RAP1B: variants seen among roughly 807,000 people sequenced by gnomAD.
RAP1B encodes the protein RAP1B, member of RAS oncogene family.
A neutral mutation model predicts 27.5 loss-of-function variants in RAP1B; 1 was observed. The observed-to-expected ratio is 0.04, with a 90% CI of 0.01 to 0.17. The LOEUF (loss-of-function observed/expected upper bound fraction) is 0.17. Ranked by LOEUF, RAP1B falls within the 10% of genes least tolerant of loss-of-function variation. The pLI, the probability that RAP1B is intolerant of heterozygous loss-of-function variation, is 1.00. For synonymous variants in RAP1B, 75 were observed against 73.1 expected, an observed-to-expected ratio of 1.03 and a Z score of -0.13; for missense variants, 84 against 214.8, an observed-to-expected ratio of 0.39 and a Z score of 3.81.
At chr12:68,651,691 A>G in intron 3 of RAP1B, 1 of 285,690 alleles carries the variant, frequency 3.5e-6, no homozygotes, top group South Asian at 6.1e-5. Flanking sequence ...TATTTGAGCT[A>G]TTTCGAAACT....
At chr12:68,652,515 A>G (rs1873887796) in intron 4 of RAP1B, among the ~76,000 whole-genome samples, 1 of 152,026 alleles carries the variant, frequency 6.6e-6, no homozygotes, top group South Asian at 2.1e-4. Context: ...TGTTCCGTTG[A>G]ATCCTTAATT....
In RAP1B at chr12:68,670,762, A is replaced by G. The variant is rs907411082; in HGVS notation, c.*11513A>G. The stretch of plus-strand genomic sequence containing the variant: ...AACTATTCACGGCCAGGCACGGTGG[A>G]TCATGCCTGTAATCCCAACACTTTG... On this transcript the variant is annotated 3_prime_UTR_variant, in exon 8 of 8. Transcript: ENST00000250559. The G allele has an allele frequency of 6.6e-6, 1 of 152,136 alleles. No individual in the cohort carries two copies. Among genetic ancestry groups the G allele is most frequent in the Admixed American group, 6.6e-5 (1 of 15,258 alleles). The allele number at this position is 152,136 out of a possible 1,614,324, so 9.4% of individuals were successfully genotyped here.
intron 1 of RAP1B, among the ~76,000 whole-genome samples, chr12:68,625,035 A>G (rs1871652178): frequency 6.6e-6 from 1 of 152,138 alleles, no homozygotes; most frequent in Admixed American, 6.5e-5. Flanking sequence ...TGTATATACT[A>G]ATGTTCAACG....
Position 68,656,392 on chromosome 12 carries a change from A to G in RAP1B, c.411A>G (p.Gln137=), listed in dbSNP as rs139514004. The part of the protein sequence containing the change: ...GKEQGQNLAR[Q]WNNCAFLESS... Reference sequence around the variant, plus strand: ...AACAAGGTCAAAATCTAGCAAGACAATGGAACAACTGTGCATTCTTAGAAT... The same window carrying G: ...AACAAGGTCAAAATCTAGCAAGACAGTGGAACAACTGTGCATTCTTAGAAT... The change falls in exon 6 of 8, where the codon CAA becomes CAG. Residue 137 remains glutamine (Q), a synonymous_variant. Coordinates refer to ENST00000250559, the MANE Select transcript of RAP1B (RefSeq NM_001010942.3). 56 of 1,610,930 alleles carry G rather than the reference A, an allele frequency of 3.5e-5. 1 individual carries two copies. Among genetic ancestry groups the G allele is most frequent in the Admixed American group, 6.7e-5 (4 of 60,014 alleles).
intron 3 of RAP1B, chr12:68,651,767 GTTGAC>G (rs1306605670): frequency 1.5e-5 from 7 of 479,052 alleles, no homozygotes; most frequent in Admixed American, 6.5e-5. Flanking sequence ...GTTTCCCTGT[GTTGAC>G]TTGAGAACAC....
In RAP1B at chr12:68,663,151, C is replaced by G. The variant is rs920441606; in HGVS notation, c.*3902C>G. The stretch of plus-strand genomic sequence containing the variant: ...CGATCTTGGCTCACCCCAACCTCTG[C>G]CTCCCAGGTTCAAGCAATTCTTCTG... On this transcript the variant is annotated 3_prime_UTR_variant, in exon 8 of 8. Coordinates refer to ENST00000250559, the MANE Select transcript of RAP1B (RefSeq NM_001010942.3). 1 of 151,910 alleles carries G rather than the reference C, an allele frequency of 6.6e-6. No individual in the cohort carries two copies. The highest frequency in any genetic ancestry group is 1.5e-5 in the Non-Finnish European group (1 of 68,074). 9.4% of individuals were successfully genotyped at this position (151,910 alleles called of 1,614,324 possible).
intron 1 of RAP1B, among the ~76,000 whole-genome samples, chr12:68,633,174 A>G (rs1052974083): frequency 6.6e-6 from 1 of 152,210 alleles, no homozygotes; most frequent in Non-Finnish European, 1.5e-5. Context: ...CTTAAAACTA[A>G]GTTGAGATTT....
intron 4 of RAP1B, 85 bp downstream of exon 4, chr12:68,652,136 G>C: frequency 1.9e-6 from 2 of 1,071,020 alleles, no homozygotes; most frequent in Non-Finnish European, 2.8e-6. Flanking sequence ...ACAAATATTA[G>C]TTAAGCTTAT....
intron 1 of RAP1B, among the ~76,000 whole-genome samples, chr12:68,641,356 G>A (rs764159577): frequency 1.3e-5 from 2 of 152,084 alleles, no homozygotes; most frequent in African/African-American, 4.8e-5. Context: ...CACTGAAACC[G>A]GACTCTCGAC....
At chr12:68,625,939 T>C (rs1230036539) in intron 1 of RAP1B, among the ~76,000 whole-genome samples, 1 of 151,908 alleles carries the variant, frequency 6.6e-6, no homozygotes, top group African/African-American at 2.4e-5. Flanking sequence ...AAAAAAAGTT[T>C]CAGGTGTATT....
chr12:68,667,185 C>T lies in RAP1B; in HGVS notation c.*7936C>T, dbSNP rs545114184. The stretch of plus-strand genomic sequence containing the variant: ...TCCAGAGGGTTTTCTCTTCATCTCA[C>T]GCATCCCACCTTTAATCAGACATAT... On this transcript the variant is annotated 3_prime_UTR_variant, in exon 8 of 8. Transcript: ENST00000250559. The T allele has an allele frequency of 9.2e-5, 14 of 152,248 alleles. No homozygotes were observed. The East Asian group carries it at 1.2e-3, about 13-fold the overall frequency. 9.4% of individuals were successfully genotyped at this position (152,248 alleles called of 1,614,324 possible).
chr12:68,655,751 G>T (rs1055777690), intron 5 of RAP1B, among the ~76,000 whole-genome samples: 1 of 152,092 alleles, frequency 6.6e-6, no homozygotes, highest in Non-Finnish European at 1.5e-5. Flanking sequence ...GGCCAGGCTG[G>T]TCTCCAACTC....
intron 1 of RAP1B, among the ~76,000 whole-genome samples, chr12:68,616,616 TAG>T (rs1871037189): frequency 6.6e-6 from 1 of 151,900 alleles, no homozygotes; most frequent in Admixed American, 6.6e-5. Context: ...GTATTTTTAG[TAG>T]AGAGGGGATT....
chr12:68,639,627 A>G (rs1872854925), intron 1 of RAP1B, among the ~76,000 whole-genome samples: 1 of 152,172 alleles, frequency 6.6e-6, no homozygotes, highest in Non-Finnish European at 1.5e-5. Flanking sequence ...ACAGCTGAGG[A>G]AAAGAGGTAC....
At position 68,659,454 on chromosome 12, in the gene RAP1B, A is replaced by G. The variant is rs1028236992; in HGVS notation, c.*205A>G. 3 of 365,182 alleles carry G rather than the reference A, an allele frequency of 8.2e-6. No individual in the cohort carries two copies. The highest frequency in any genetic ancestry group is 7.3e-5 in the East Asian group (1 of 13,624). The allele number at this position is 365,182 out of a possible 1,614,324, so 22.6% of individuals were successfully genotyped here. A position where few individuals can be genotyped will look rare whatever the true frequency, so the allele number is the denominator to read the frequency against. On this transcript the variant is annotated 3_prime_UTR_variant, in exon 8 of 8. Transcript: ENST00000250559. Reference sequence around the variant, plus strand: ...TATCACAAGAGAGATTTTTACTTATATAATAGTCCTAGAGTTTGCAGCTGG... The same window carrying G: ...TATCACAAGAGAGATTTTTACTTATGTAATAGTCCTAGAGTTTGCAGCTGG...
In RAP1B at chr12:68,647,692, A is replaced by G. The variant is rs531404166; in HGVS notation, c.-26-1007A>G. Among the ~76,000 whole-genome samples, 49 of 151,722 alleles carry G rather than the reference A, an allele frequency of 3.2e-4. 1 individual carries two copies. Among genetic ancestry groups the G allele is most frequent in the East Asian group, 1.4e-3 (7 of 5,150 alleles). ...AGACAGGAGCAGGTTAATGTTAGCT[A>G]TAGAAGCACTGTCACTCAAGTGAAG... On this transcript the variant is annotated intron_variant, in intron 1 of 7. Transcript: ENST00000250559.
intron 1 of RAP1B, chr12:68,626,923 T>A: frequency 6.4e-7 from 1 of 1,557,072 alleles, no homozygotes. Flanking sequence ...GAAATGTACT[T>A]GACCCGACAG....
intron 1 of RAP1B, chr12:68,627,425 G>A: frequency 2.2e-6 from 1 of 460,208 alleles, no homozygotes. Context: ...ACTAGAATGA[G>A]AGATTTTACT....
rs1592462127 is a variant in RAP1B at position 68,650,233 on chromosome 12, C to A, written c.58-167C>A. 4 of 504,036 alleles carry A rather than the reference C, an allele frequency of 7.9e-6. No individual in the cohort carries two copies. In the East Asian group the frequency reaches 1.6e-4, roughly 20 times the overall value. 31.2% of individuals were successfully genotyped at this position (504,036 alleles called of 1,614,324 possible). A position where few individuals can be genotyped will look rare whatever the true frequency, so the allele number is the denominator to read the frequency against. On this transcript the variant is annotated intron_variant, in intron 2 of 7. Coordinates refer to ENST00000250559, the MANE Select transcript of RAP1B (RefSeq NM_001010942.3). ...TATTTATTTAAAAATAAACAGCTTC[C>A]TGAGGTAATTTTCTTACCAAATGTA...
Sources: allele counts gnomAD v4.1 joint callset (sites outside exome capture counted in the v4.1 genomes callset), GRCh38; gene constraint gnomAD v4.1.1; transcripts MANE v1.5; gene names NCBI Gene and HGNC (gene_info 2026-07-23, HGNC 2026-07-21).